SNX9: variants seen among roughly 807,000 people sequenced by gnomAD.
The protein encoded by SNX9 is sorting nexin-9.
In SNX9, 44 loss-of-function variants were observed where a neutral mutation model predicts 89.4. The observed-to-expected ratio is 0.49, with a 90% CI of 0.39 to 0.63. SNX9 has a LOEUF of 0.63. Among genes scored for constraint, SNX9 ranks in the 30% least tolerant of loss-of-function variants. The probability of loss-of-function intolerance (pLI) is 0.00; values close to 1 mark genes in which losing one functional copy is unlikely to be tolerated. For missense variants in SNX9, 578 were observed against 736.1 expected, an observed-to-expected ratio of 0.79 and a Z score of 2.49; for synonymous variants, 236 against 247.8, an observed-to-expected ratio of 0.95 and a Z score of 0.45.
chr6:157,874,094 C>G (rs900861518), intron 3 of SNX9: 1 of 152,242 alleles, frequency 6.6e-6, no homozygotes, highest in Non-Finnish European at 1.5e-5. Context: ...AAAGAATTCC[C>G]CCCAGAGGAT....
chr6:157,887,340 AC>A (rs1782755454), intron 4 of SNX9, among the ~76,000 whole-genome samples: 2 of 151,986 alleles, frequency 1.3e-5, no homozygotes, highest in South Asian at 4.2e-4. Flanking sequence ...GAGGGGTTGC[AC>A]TCTTGATTCA....
intron 1 of SNX9, among the ~76,000 whole-genome samples, chr6:157,855,192 A>G (rs1264433498): frequency 6.6e-6 from 1 of 152,152 alleles, no homozygotes; most frequent in Non-Finnish European, 1.5e-5. Flanking sequence ...TAATACATAT[A>G]TATTAGAGAT....
At chr6:157,940,484 C>A (rs1784015634) in intron 16 of SNX9, among the ~76,000 whole-genome samples, 1 of 152,216 alleles carries the variant, frequency 6.6e-6, no homozygotes, top group South Asian at 2.1e-4. Flanking sequence ...GTGGTGCAAT[C>A]CCGGCTCACT....
At chr6:157,896,684 A>T in intron 4 of SNX9, 143 bp from the exon 5 acceptor site, 3 of 924,708 alleles carry the variant, frequency 3.2e-6, no homozygotes, top group Non-Finnish European at 5.1e-6. Flanking sequence ...TTAAAATATT[A>T]TGTATGTAAA....
intron 1 of SNX9, among the ~76,000 whole-genome samples, chr6:157,825,540 A>G (rs1261080418): frequency 6.6e-6 from 1 of 151,826 alleles, no homozygotes; most frequent in Non-Finnish European, 1.5e-5. Flanking sequence ...AGCATGCGTA[A>G]GGACTTCCTA....
chr6:157,888,205 A>G (rs1319484728), intron 4 of SNX9, among the ~76,000 whole-genome samples: 1 of 152,184 alleles, frequency 6.6e-6, no homozygotes, highest in Non-Finnish European at 1.5e-5. Context: ...ATGCCTCTGA[A>G]AGCAAAAGGT....
rs1354146469 is a variant in SNX9, at chr6:157,826,833, T to TATATAA, written c.12+3392_12+3393insAATATA. Among the ~76,000 whole-genome samples, 131 of 111,336 alleles carry TATATAA rather than the reference T, an allele frequency of 1.2e-3. 2 individuals are homozygous for TATATAA. Among genetic ancestry groups the TATATAA allele is most frequent in the South Asian group, 3.1e-3 (13 of 4,240 alleles). 73.0% of individuals were successfully genotyped at this position (111,336 alleles called of 152,430 possible). ...ATATATAAATATATATTATATTTTA[T>TATATAA]ATATATATTATATTTTATATATAAA... is the stretch of plus-strand genomic sequence containing the variant. On this transcript the variant is annotated intron_variant, in intron 1 of 17. Coordinates refer to ENST00000392185, the MANE Select transcript of SNX9 (RefSeq NM_016224.5).
At chr6:157,834,150 GTTTTTTTTTTTTTTTTTT>G (rs561509955) in intron 1 of SNX9, among the ~76,000 whole-genome samples, 15 of 35,640 alleles carry the variant, frequency 4.2e-4, no homozygotes, top group East Asian at 3.3e-3. Flanking sequence ...GTCCACTGTG[GTTTTTTTTTTTTTTTTTT>G]TTTTTTTTTT....
intron 5 of SNX9, among the ~76,000 whole-genome samples, chr6:157,899,996 A>G (rs377335400): frequency 6.6e-6 from 1 of 152,132 alleles, no homozygotes; most frequent in East Asian, 1.9e-4. Flanking sequence ...ATATAATGCA[A>G]TATCATTAAC....
intron 1 of SNX9, among the ~76,000 whole-genome samples, chr6:157,828,499 T>G (rs952204750): frequency 2.6e-5 from 4 of 152,004 alleles, no homozygotes; most frequent in African/African-American, 9.7e-5. Context: ...TGATTATTAT[T>G]ATTTTTTTTT....
At chr6:157,891,388 C>CA (rs2115158392) in intron 4 of SNX9, among the ~76,000 whole-genome samples, 1 of 152,186 alleles carries the variant, frequency 6.6e-6, no homozygotes, top group South Asian at 2.1e-4. Flanking sequence ...TCGACCACAA[C>CA]AAGTTAATTT....
chr6:157,881,234 T>A (rs1782615083), intron 4 of SNX9, among the ~76,000 whole-genome samples: 1 of 152,216 alleles, frequency 6.6e-6, no homozygotes, highest in Admixed American at 6.5e-5. Flanking sequence ...TCTGTTTTGA[T>A]GATTCATGAT....
chr6:157,835,468 A>G (rs1781565170), intron 1 of SNX9, among the ~76,000 whole-genome samples: 1 of 143,360 alleles, frequency 7.0e-6, no homozygotes, highest in Admixed American at 7.2e-5. Flanking sequence ...GCTGGAGTCC[A>G]GTGGTGCAAA....
At position 157,847,418 on chromosome 6, in the gene SNX9, T is replaced by TA. The variant is rs1218748683; in HGVS notation, c.13-20124dup. ...GCGCCCAGCCTTGTAGTACTTATTTTAAAAAGACCAAGAAAAATGATGAGG... is the reference window on the plus strand; with the variant it reads ...GCGCCCAGCCTTGTAGTACTTATTTTAAAAAAGACCAAGAAAAATGATGAGG... On this transcript the variant is annotated intron_variant, in intron 1 of 17. Coordinates refer to ENST00000392185, the MANE Select transcript of SNX9 (RefSeq NM_016224.5). Among the ~76,000 whole-genome samples, 4 of 152,164 alleles carry TA rather than the reference T, an allele frequency of 2.6e-5. No homozygotes were observed. The East Asian group carries it at 7.7e-4, about 29-fold the overall frequency.
At chr6:157,940,739 A>T in intron 16 of SNX9, 144 bp from the exon 17 acceptor site, 1 of 671,342 alleles carries the variant, frequency 1.5e-6, no homozygotes, top group Non-Finnish European at 2.6e-6. Context: ...CTAACCTCTT[A>T]GTAAAGTGAT....
At chr6:157,837,111 A>T (rs1186136835) in intron 1 of SNX9, among the ~76,000 whole-genome samples, 1 of 152,218 alleles carries the variant, frequency 6.6e-6, no homozygotes, top group African/African-American at 2.4e-5. Flanking sequence ...TATTTTATCT[A>T]ACTGGGTTCA....
At chr6:157,858,472 T>G (rs1442015736) in intron 1 of SNX9, among the ~76,000 whole-genome samples, 2 of 152,224 alleles carry the variant, frequency 1.3e-5, no homozygotes, top group Non-Finnish European at 1.5e-5. Context: ...TCCGCCTGTT[T>G]CGACTTCCCA....
At chr6:157,935,184 C>T (rs1351029214) in intron 13 of SNX9, among the ~76,000 whole-genome samples, 1 of 152,036 alleles carries the variant, frequency 6.6e-6, no homozygotes, top group Non-Finnish European at 1.5e-5. Context: ...CTCTGGGTAA[C>T]CGGAATATTG....
chr6:157,865,437 T>G (rs1782241254), intron 1 of SNX9, among the ~76,000 whole-genome samples: 1 of 149,810 alleles, frequency 6.7e-6, no homozygotes, highest in Non-Finnish European at 1.5e-5. Context: ...GGCTGCTTTG[T>G]TCTTCATGAC....
Sources: allele counts gnomAD v4.1 joint callset (sites outside exome capture counted in the v4.1 genomes callset), GRCh38; gene constraint gnomAD v4.1.1; transcripts MANE v1.5; gene names NCBI Gene and HGNC (gene_info 2026-07-23, HGNC 2026-07-21).